PHLPP1: variants seen among roughly 807,000 people sequenced by gnomAD.
PHLPP1 encodes PH domain leucine-rich repeat-containing protein phosphatase 1.
PHLPP1 carries 42 observed loss-of-function variants against 117.2 expected under a neutral mutation model. That is an observed-to-expected ratio of 0.36 (90% CI 0.28 to 0.46). The LOEUF (loss-of-function observed/expected upper bound fraction) is 0.46. Among genes scored for constraint, PHLPP1 ranks in the 20% least tolerant of loss-of-function variants. PHLPP1 has a pLI of 1.00. For missense variants in PHLPP1, 2,084 were observed against 2,241.9 expected (o/e 0.93, Z 1.42); for synonymous variants, 1,042 against 970.7 (o/e 1.07, Z -1.37).
chr18:62,822,796 GATAGT>G (rs1914505561), intron 1 of PHLPP1, among the ~76,000 whole-genome samples: 1 of 152,146 alleles, frequency 6.6e-6, no homozygotes, highest in Non-Finnish European at 1.5e-5. Context: ...CACTACTCAA[GATAGT>G]ATGAAGGTAG....
intron 1 of PHLPP1, among the ~76,000 whole-genome samples, chr18:62,754,347 C>T (rs982906102): frequency 1.3e-5 from 2 of 152,210 alleles, no homozygotes; most frequent in African/African-American, 4.8e-5. Context: ...GGAATCTGTG[C>T]AGGGCACCTG....
In PHLPP1 at chr18:62,905,187, A is replaced by G. The variant is rs750347956; in HGVS notation, c.2648-37A>G. On this transcript the variant is annotated intron_variant, in intron 7 of 16. Transcript: ENST00000262719. ...AAAAGAGTCTCTATGTCATTTGTATAGTAATGTCTTTGTGGGGTTTTTTTT... is the reference window on the plus strand; with the variant it reads ...AAAAGAGTCTCTATGTCATTTGTATGGTAATGTCTTTGTGGGGTTTTTTTT... 7.5e-6 allele frequency: 10 copies of G among 1,339,038 alleles called. No homozygotes were observed. The East Asian group carries it at 2.4e-4, about 32-fold the overall frequency. 82.9% of individuals were successfully genotyped at this position (1,339,038 alleles called of 1,614,324 possible).
intron 1 of PHLPP1, among the ~76,000 whole-genome samples, chr18:62,808,597 G>A (rs187083459): frequency 9.1e-4 from 134 of 147,308 alleles, no homozygotes; most frequent in African/African-American, 3.0e-3. Context: ...TTGTCGCCCA[G>A]GCTGGGGTGC....
At chr18:62,836,882 G>A (rs942078343) in intron 2 of PHLPP1, among the ~76,000 whole-genome samples, 8 of 152,082 alleles carry the variant, frequency 5.3e-5, no homozygotes, top group African/African-American at 1.7e-4. Flanking sequence ...GCTTGCAATC[G>A]GAAGGCGGAG....
At chr18:62,766,104 A>ATATATATATATATATAT (rs1289379653) in intron 1 of PHLPP1, among the ~76,000 whole-genome samples, 11 of 40,972 alleles carry the variant, frequency 2.7e-4, no homozygotes, top group Non-Finnish European at 4.4e-4. Context: ...TATATATATA[A>ATATATATATATATATAT]AATATATATA....
Position 62,897,892 on chromosome 18 carries a change from T to G in PHLPP1, c.2444+1881T>G, listed in dbSNP as rs116786218. ...AGTTTCTCTAAGTAAAGGGCCACTT[T>G]TATTCAATTTTTTTTCCCTTTAAAT... is the stretch of plus-strand genomic sequence containing the variant. On this transcript the variant is annotated intron_variant, in intron 6 of 16. Transcript: ENST00000262719. Among the ~76,000 whole-genome samples the G allele has an allele frequency of 2.7e-3, 407 of 152,350 alleles. 2 individuals are homozygous for G. The highest frequency in any genetic ancestry group is 9.5e-3 in the African/African-American group (397 of 41,590).
rs115708070 is a variant in PHLPP1 at position 62,887,492 on chromosome 18, T to A, written c.2067-7519T>A. ...GTTCTAGAGGCTGTGAAGTCCAGGA[T>A]CAAGGCACCAGCAGGTTTGGTGTCT... On this transcript the variant is annotated intron_variant, in intron 4 of 16. Coordinates refer to ENST00000262719, the MANE Select transcript of PHLPP1 (RefSeq NM_194449.4). Among the ~76,000 whole-genome samples the A allele has an allele frequency of 2.1e-3, 325 of 152,328 alleles. 1 individual carries two copies. The highest frequency in any genetic ancestry group is 7.5e-3 in the African/African-American group (310 of 41,572).
chr18:62,716,138 C>G lies in PHLPP1; in HGVS notation c.455C>G (p.Pro152Arg). The change falls in exon 1 of 17, where the codon CCC (proline) becomes CGC (arginine). Residue 152 changes from proline (P) to arginine (R), a missense_variant. By Grantham distance (103) the Pro-to-Arg change is moderately radical. This residue lies in a region of PHLPP1 where 719 missense variants were observed against 636.0 expected (regional missense o/e 1.13). Coordinates refer to ENST00000262719, the MANE Select transcript of PHLPP1 (RefSeq NM_194449.4). The surrounding 1 kb of genome is among the most constrained non-coding windows in gnomAD (Gnocchi z 5.7). ...TCGGCCGCTGCTGCCTCGCACTCCC[C>G]CGGCGCTGCCGGCCTCCCCGCCTCC... ...SSSAAAASHS[P>R]GAAGLPASCS... 11 of 1,518,200 alleles carry G rather than the reference C, an allele frequency of 7.2e-6. No homozygotes were observed. The highest frequency in any genetic ancestry group is 9.7e-6 in the Non-Finnish European group (11 of 1,139,356). 94.0% of individuals were successfully genotyped at this position (1,518,200 alleles called of 1,614,324 possible).
At chr18:62,906,482 T>A (rs571621162) in intron 8 of PHLPP1, 85 of 147,170 alleles carry the variant, frequency 5.8e-4, no homozygotes, top group African/African-American at 2.0e-3. Flanking sequence ...GGCGAGGCAT[T>A]GCCTCACCTG....
intron 8 of PHLPP1, among the ~76,000 whole-genome samples, chr18:62,913,894 C>G (rs778523876): frequency 9.9e-5 from 15 of 151,950 alleles, no homozygotes; most frequent in Non-Finnish European, 1.9e-4. Context: ...TAGCCATGTG[C>G]CACCACACCC....
At chr18:62,800,377 G>C (rs991510640) in intron 1 of PHLPP1, among the ~76,000 whole-genome samples, 1 of 152,194 alleles carries the variant, frequency 6.6e-6, no homozygotes, top group African/African-American at 2.4e-5. Context: ...TGGGTCAACT[G>C]TATAGTTTTT....
chr18:62,814,527 A>G (rs1253078545), intron 1 of PHLPP1, among the ~76,000 whole-genome samples: 1 of 152,256 alleles, frequency 6.6e-6, no homozygotes, highest in East Asian at 1.9e-4. Flanking sequence ...AAGGATTTAT[A>G]TGCAATAAGA....
chr18:62,716,370 G>C lies in PHLPP1; in HGVS notation c.687G>C (p.Glu229Asp). Residue 229 changes from glutamate (E) to aspartate (D), a missense_variant, in exon 1 of 17, where the codon GAG becomes GAC. By Grantham distance (45) the Glu-to-Asp change is conservative. Transcript: ENST00000262719. The surrounding 1 kb of genome is among the most constrained non-coding windows in gnomAD (Gnocchi z 5.7). ...GCACACTGGACACCACGGCCGGCGA[G>C]GTGGCCGCCCGCCTGCTGCAGCTGG... Reference protein sequence around the residue: ...VLCTLDTTAGEVAARLLQLGH... With the variant: ...VLCTLDTTAGDVAARLLQLGH... The C allele has an allele frequency of 6.7e-7, 1 of 1,484,106 alleles. No homozygotes were observed. Among genetic ancestry groups the C allele is most frequent in the Non-Finnish European group, 8.9e-7 (1 of 1,122,004 alleles). 91.9% of individuals were successfully genotyped at this position (1,484,106 alleles called of 1,614,324 possible). A position where few individuals can be genotyped will look rare whatever the true frequency, so the allele number is the denominator to read the frequency against.
At chr18:62,782,327 A>G (rs1029639318) in intron 1 of PHLPP1, among the ~76,000 whole-genome samples, 1 of 152,378 alleles carries the variant, frequency 6.6e-6, no homozygotes, top group African/African-American at 2.4e-5. Flanking sequence ...GAGAGAGAAC[A>G]GAGGCACCAG....
intron 10 of PHLPP1, among the ~76,000 whole-genome samples, chr18:62,928,245 T>C (rs746121312): frequency 6.6e-6 from 1 of 152,082 alleles, no homozygotes; most frequent in Non-Finnish European, 1.5e-5. Context: ...AAGGATACCA[T>C]CAAGAAAGTG....
At chr18:62,912,767 A>G (rs1187324907) in intron 8 of PHLPP1, among the ~76,000 whole-genome samples, 2 of 152,016 alleles carry the variant, frequency 1.3e-5, no homozygotes, top group Admixed American at 6.6e-5. Flanking sequence ...TTACAGGCAC[A>G]CACCACCATG....
intron 4 of PHLPP1, among the ~76,000 whole-genome samples, chr18:62,894,262 C>G (rs1414495264): frequency 1.3e-5 from 2 of 152,170 alleles, no homozygotes; most frequent in African/African-American, 2.4e-5. Context: ...GGAGTGCAAT[C>G]TCAGCTCACT....
chr18:62,956,488 A>G (rs545227315), intron 12 of PHLPP1, among the ~76,000 whole-genome samples: 1 of 152,334 alleles, frequency 6.6e-6, no homozygotes. Flanking sequence ...ACAAACATTC[A>G]GACCATAGCA....
chr18:62,771,392 T>C (rs894999455), intron 1 of PHLPP1, among the ~76,000 whole-genome samples: 2 of 152,152 alleles, frequency 1.3e-5, no homozygotes, highest in Non-Finnish European at 2.9e-5. Context: ...TGACATACCA[T>C]TAATACAGTG....
Sources: allele counts gnomAD v4.1 joint callset (sites outside exome capture counted in the v4.1 genomes callset), GRCh38; gene constraint gnomAD v4.1.1; regional missense constraint gnomAD v4.1.1; non-coding constraint Gnocchi (gnomAD v3.1); transcripts MANE v1.5; gene names NCBI Gene and HGNC (gene_info 2026-07-23, HGNC 2026-07-21).